The following UBE2Q1 variants were observed in gnomAD, a reference collection of about 807,000 sequenced individuals.
The protein encoded by UBE2Q1 is ubiquitin conjugating enzyme E2 Q1.
In UBE2Q1, 6 loss-of-function variants were observed where a neutral mutation model predicts 60.1. That is an observed-to-expected ratio of 0.10 (90% CI 0.05 to 0.20). The LOEUF is 0.20. Ranked by LOEUF, UBE2Q1 falls within the 10% of genes least tolerant of loss-of-function variation. The pLI is 1.00. For synonymous variants in UBE2Q1, 226 were observed against 208.3 expected, an observed-to-expected ratio of 1.09 and a Z score of -0.73; for missense variants, 262 against 525.8, an observed-to-expected ratio of 0.50 and a Z score of 4.91.
intron 4 of UBE2Q1, among the ~76,000 whole-genome samples, chr1:154,554,050 TGA>T (rs780750665): frequency 6.6e-6 from 1 of 152,270 alleles, no homozygotes; most frequent in Non-Finnish European, 1.5e-5. Context: ...TAATGTCTAC[TGA>T]GTGTTTATTA....
intron 4 of UBE2Q1, among the ~76,000 whole-genome samples, chr1:154,554,461 G>A (rs1460323360): frequency 6.6e-6 from 1 of 152,172 alleles, no homozygotes; most frequent in Non-Finnish European, 1.5e-5. Flanking sequence ...AATTAGGATA[G>A]CTAGGATGCA....
rs947061347 is a variant in UBE2Q1 at position 154,549,371 on chromosome 1, G to T, written c.*1067C>A. 1 of 152,212 alleles carries T rather than the reference G, an allele frequency of 6.6e-6. No individual in the cohort carries two copies. The highest frequency in any genetic ancestry group is 2.4e-5 in the African/African-American group (1 of 41,446). 9.4% of individuals were successfully genotyped at this position (152,212 alleles called of 1,614,324 possible). On this transcript the variant is annotated 3_prime_UTR_variant, in exon 13 of 13. Transcript: ENST00000292211. ...CCCACCTTGTGGGAGTGGCTTGAAA[G>T]AATCCATAATTTCCCAAGCCAAACA...
Position 154,553,047 on chromosome 1 carries a change from C to T in UBE2Q1, c.714G>A (p.Arg238=). The T allele has an allele frequency of 1.9e-6, 3 of 1,614,024 alleles. No homozygotes were observed. Among genetic ancestry groups the T allele is most frequent in the East Asian group, 2.2e-5 (1 of 44,884 alleles). ...AGGCACGTACATTTAAGTAATCTTG[C>T]CTCTGGTTCTTTTTAATTTTCTCTA... is the stretch of plus-strand genomic sequence containing the variant. ...AILEKIKKNQ[R]QDYLNGAVSG... Residue 238 remains arginine, a synonymous_variant, in exon 5 of 13, where the codon AGG becomes AGA. Coordinates refer to ENST00000292211, the MANE Select transcript of UBE2Q1 (RefSeq NM_017582.7).
intron 11 of UBE2Q1, 194 bp downstream of exon 11, chr1:154,551,203 C>A (rs1695786037): frequency 2.4e-6 from 2 of 845,034 alleles, no homozygotes; most frequent in Admixed American, 2.6e-5. Flanking sequence ...CGAAACCTCC[C>A]AAAAGTCCTA....
intron 5 of UBE2Q1, 27 bp downstream of exon 5, chr1:154,553,005 A>G (rs745981524): frequency 1.8e-5 from 29 of 1,610,964 alleles, no homozygotes; most frequent in Non-Finnish European, 2.3e-5. Flanking sequence ...CAACCCCTTC[A>G]CCAGCCTCTC....
rs890789940 is a variant in UBE2Q1 at position 154,554,885 on chromosome 1, C to T, written c.538-100G>A. Reference sequence around the variant, plus strand: ...TGAGCCCCCAGGTCTGGAAGTTGTGCGCCTGCCTGTAATGCTGCCAGTCTC... The same window carrying T: ...TGAGCCCCCAGGTCTGGAAGTTGTGTGCCTGCCTGTAATGCTGCCAGTCTC... On this transcript the variant is annotated intron_variant, in intron 3 of 12. Transcript: ENST00000292211. The T allele has an allele frequency of 9.7e-5, 122 of 1,257,278 alleles. 1 individual carries two copies. Among genetic ancestry groups the T allele is most frequent in the Admixed American group, 2.0e-4 (9 of 44,856 alleles). 77.9% of individuals were successfully genotyped at this position (1,257,278 alleles called of 1,614,324 possible).
chr1:154,552,547 G>T (rs373461148), intron 6 of UBE2Q1, 83 bp from the exon 7 acceptor site: 1 of 1,544,192 alleles, frequency 6.5e-7, no homozygotes, highest in African/African-American at 1.4e-5. Flanking sequence ...CCCAGACTGA[G>T]AGAAAAAGAT....
intron 4 of UBE2Q1, 139 bp downstream of exon 4, chr1:154,554,596 T>C: frequency 3.4e-6 from 3 of 891,464 alleles, no homozygotes; most frequent in Non-Finnish European, 5.2e-6. Flanking sequence ...ACACTGGCTA[T>C]TCCTCCAGGT....
chr1:154,557,540 A>C (rs1379342304), intron 1 of UBE2Q1, among the ~76,000 whole-genome samples: 1 of 152,258 alleles, frequency 6.6e-6, no homozygotes, highest in Admixed American at 6.5e-5. Context: ...TATCATTACC[A>C]GGAAAAGCAA....
At chr1:154,555,771 G>T in intron 2 of UBE2Q1, 89 bp downstream of exon 2, 1 of 1,238,168 alleles carries the variant, frequency 8.1e-7, no homozygotes, top group Non-Finnish European at 1.2e-6. Context: ...GCTGTGTACC[G>T]TCCACTTTTC....
At position 154,550,436 on chromosome 1, in the gene UBE2Q1, G is replaced by A. The variant is rs778241954; in HGVS notation, c.*2C>T. On this transcript the variant is annotated 3_prime_UTR_variant, in exon 13 of 13. Coordinates refer to ENST00000292211, the MANE Select transcript of UBE2Q1 (RefSeq NM_017582.7). Reference sequence around the variant, plus strand: ...GGAGGGAGGAAGGGTGATACTCCAGGGTTAGCCGTCTTCTTTTGGGGGTGT... The same window carrying A: ...GGAGGGAGGAAGGGTGATACTCCAGAGTTAGCCGTCTTCTTTTGGGGGTGT... 10 of 1,614,144 alleles carry A rather than the reference G, an allele frequency of 6.2e-6. No individual in the cohort carries two copies. In the South Asian group the frequency reaches 9.9e-5, roughly 16 times the overall value.
At chr1:154,554,565 G>A in intron 4 of UBE2Q1, 170 bp downstream of exon 4, 1 of 632,620 alleles carries the variant, frequency 1.6e-6, no homozygotes, top group South Asian at 2.4e-5. Context: ...GGTTGGATAT[G>A]GGTGCCCTGT....
At chr1:154,550,731 C>T (rs1207586756) in intron 12 of UBE2Q1, 13 of 985,184 alleles carry the variant, frequency 1.3e-5, no homozygotes, top group Non-Finnish European at 1.6e-5. Context: ...CCAAGTTTAT[C>T]GGTGATACGA....
intron 1 of UBE2Q1, 105 bp from the exon 2 acceptor site, chr1:154,556,069 AC>A: frequency 1.3e-6 from 1 of 772,512 alleles, no homozygotes; most frequent in Non-Finnish European, 2.0e-6. Flanking sequence ...TTTGCTTCCC[AC>A]CCCCACCCCC....
At chr1:154,554,859 C>T in intron 3 of UBE2Q1, 74 bp from the exon 4 acceptor site, 2 of 1,528,988 alleles carry the variant, frequency 1.3e-6, no homozygotes, top group Non-Finnish European at 1.8e-6. Flanking sequence ...ACCTACTCCC[C>T]TGAGCCCCCA....
rs777917876 is a variant in UBE2Q1 at position 154,551,904 on chromosome 1, G to A, written c.1025+17C>T. On this transcript the variant is annotated intron_variant, in intron 9 of 12. Coordinates refer to ENST00000292211, the MANE Select transcript of UBE2Q1 (RefSeq NM_017582.7). ...TCTGCCAGAGGAGATGCCCTCTTCC[G>A]CATGCCAGCCACTCACCCTCCAGAG... 1.5e-5 allele frequency: 24 copies of A among 1,613,960 alleles called. No individual in the cohort carries two copies. The highest frequency in any genetic ancestry group is 1.9e-5 in the Non-Finnish European group (23 of 1,180,010).
Position 154,558,451 on chromosome 1 carries a change from G to C in UBE2Q1, c.103C>G (p.Pro35Ala), listed in dbSNP as rs1189896763. 1 of 1,466,470 alleles carries C rather than the reference G, an allele frequency of 6.8e-7. No individual in the cohort carries two copies. Among genetic ancestry groups the C allele is most frequent in the East Asian group, 3.0e-5 (1 of 33,098 alleles). The allele number at this position is 1,466,470 out of a possible 1,614,324, so 90.8% of individuals were successfully genotyped here. A position where few individuals can be genotyped will look rare whatever the true frequency, so the allele number is the denominator to read the frequency against. The change falls in exon 1 of 13, where the codon CCG (proline) becomes GCG (alanine). Residue 35 changes from proline (P) to alanine (A), a missense_variant. By Grantham distance (27) the Pro-to-Ala change is conservative. Coordinates refer to ENST00000292211, the MANE Select transcript of UBE2Q1 (RefSeq NM_017582.7). ...CGCCTCAGGCAGGGCCCCGGCCCCG[G>C]GCCCCCCCCTGGGCCGCCCCCGGCC... ...PGAGGGPGGG[P>A]GPGPCLRREL... is the part of the protein sequence containing the mutation.
At position 154,551,935 on chromosome 1, in the gene UBE2Q1, T is replaced by G; in HGVS notation, c.1011A>C (p.Pro337=). Residue 337 remains proline (P), a synonymous_variant, in exon 9 of 13, where the codon CCA becomes CCC. Transcript: ENST00000292211. ...FDPPFVRVVS[P]VLSGGYVLGG... ...CAGCCACTCACCCTCCAGAGAGGAC[T>G]GGAGACACAACCCTGACAAATGGTG... 1 of 1,614,132 alleles carries G rather than the reference T, an allele frequency of 6.2e-7. No individual in the cohort carries two copies. The highest frequency in any genetic ancestry group is 8.5e-7 in the Non-Finnish European group (1 of 1,180,028).
At chr1:154,552,306 A>G in intron 7 of UBE2Q1, 98 bp downstream of exon 7, 1 of 1,593,212 alleles carries the variant, frequency 6.3e-7, no homozygotes, top group Non-Finnish European at 8.6e-7. Context: ...GGGACCCTGA[A>G]TGAAAATGCT....
Sources: allele counts gnomAD v4.1 joint callset (sites outside exome capture counted in the v4.1 genomes callset), GRCh38; gene constraint gnomAD v4.1.1; transcripts MANE v1.5; gene names NCBI Gene and HGNC (gene_info 2026-07-23, HGNC 2026-07-21).